PAX8: variants seen among roughly 807,000 people sequenced by gnomAD.
The protein encoded by PAX8 is paired box 8, also known as paired box protein Pax-8.
In PAX8, 15 loss-of-function variants were observed where a neutral mutation model predicts 52.4. The ratio of observed to expected loss-of-function variants is 0.29; its 90% CI spans 0.19 to 0.44. The LOEUF is 0.44. PAX8 is among the 20% of genes least tolerant of loss of function. The probability of loss-of-function intolerance (pLI) is 1.00; values close to 1 mark genes in which losing one functional copy is unlikely to be tolerated. For missense variants in PAX8, 554 were observed against 602.5 expected (o/e 0.92, Z 0.84); for synonymous variants, 284 against 249.7 (o/e 1.14, Z -1.29).
chr2:113,226,275 C>T (rs1400115134), intron 10 of PAX8: 1 of 985,332 alleles, frequency 1.0e-6, no homozygotes, highest in Non-Finnish European at 1.2e-6. Context: ...CTAGGGCTGG[C>T]ATGGGGGTCA....
chr2:113,278,465 C>G lies in PAX8; in HGVS notation c.-71G>C. ...CCGTAGGTCCGGGCCGCGCCTGCCG[C>G]TGCCCTGCACAAACCCAGGAGAAGG... On this transcript the variant is annotated 5_prime_UTR_variant, in exon 2 of 12. Coordinates refer to ENST00000429538, the MANE Select transcript of PAX8 (RefSeq NM_003466.4). The G allele has an allele frequency of 6.2e-7, 1 of 1,602,132 alleles. No individual in the cohort carries two copies.
chr2:113,246,711 A>G, intron 3 of PAX8, 43 bp downstream of exon 3: 1 of 1,600,488 alleles, frequency 6.2e-7, no homozygotes, highest in Non-Finnish European at 8.5e-7. Flanking sequence ...TGGAGAAGTC[A>G]AGCCCTGCGG....
At chr2:113,239,840 C>T (rs1690667496) in intron 7 of PAX8, 1 of 152,166 alleles carries the variant, frequency 6.6e-6, no homozygotes, top group African/African-American at 2.4e-5. Context: ...AGCTCCAAAA[C>T]CTTCTGATTG....
At chr2:113,258,610 C>A (rs1232987014) in intron 2 of PAX8, among the ~76,000 whole-genome samples, 1 of 152,238 alleles carries the variant, frequency 6.6e-6, no homozygotes, top group Non-Finnish European at 1.5e-5. Context: ...CCCTCAAAGG[C>A]ATTCGCAGCT....
At chr2:113,258,287 T>C (rs557895822) in intron 2 of PAX8, among the ~76,000 whole-genome samples, 140 of 152,366 alleles carry the variant, frequency 9.2e-4, no homozygotes, top group Non-Finnish European at 1.7e-3. Flanking sequence ...CCATTCTCTT[T>C]GTTTACATCC....
At chr2:113,277,737 G>A (rs1213450763) in intron 2 of PAX8, among the ~76,000 whole-genome samples, 1 of 152,202 alleles carries the variant, frequency 6.6e-6, no homozygotes, top group African/African-American at 2.4e-5. Flanking sequence ...CCCTGCTTCC[G>A]GGCGCAGGTG....
chr2:113,240,857 G>A lies in PAX8; in HGVS notation c.777+694C>T, dbSNP rs532092826. On this transcript the variant is annotated intron_variant, in intron 7 of 11. Coordinates refer to ENST00000429538, the MANE Select transcript of PAX8 (RefSeq NM_003466.4). ...GCTTCCCTGTCCTTAAGGAGTCCGC[G>A]TGTCTTTGTACCTGTCTGTCTGCTA... 1.6e-4 allele frequency: 25 copies of A among 159,232 alleles called. No individual in the cohort carries two copies. The South Asian group carries it at 4.0e-3, about 26-fold the overall frequency. The allele number at this position is 159,232 out of a possible 1,614,324, so 9.9% of individuals were successfully genotyped here.
At chr2:113,265,617 A>T (rs1480710052) in intron 2 of PAX8, 1 of 152,198 alleles carries the variant, frequency 6.6e-6, no homozygotes, top group Non-Finnish European at 1.5e-5. Flanking sequence ...CTACTTGCTC[A>T]GCATTTTGTG....
chr2:113,220,006 C>T (rs921034728), intron 11 of PAX8, 86 bp downstream of exon 11: 1 of 926,062 alleles, frequency 1.1e-6, no homozygotes, highest in African/African-American at 1.6e-5. Flanking sequence ...GGACTCCCAG[C>T]TTTCAGGTAA....
In PAX8 at chr2:113,218,375, C is replaced by G. The variant is rs1237454051; in HGVS notation, c.*158G>C. The G allele has an allele frequency of 6.1e-6, 3 of 487,846 alleles. No homozygotes were observed. The highest frequency in any genetic ancestry group is 1.1e-5 in the Non-Finnish European group (3 of 276,558). The allele number at this position is 487,846 out of a possible 1,614,324, so 30.2% of individuals were successfully genotyped here. On this transcript the variant is annotated 3_prime_UTR_variant, in exon 12 of 12. Coordinates refer to ENST00000429538, the MANE Select transcript of PAX8 (RefSeq NM_003466.4). ...CCTTGTCCAAGGTCATCCTGTCTTT[C>G]ATGGTTCATTAAATTAACCACACAG...
chr2:113,258,803 T>C (rs940614106), intron 2 of PAX8, among the ~76,000 whole-genome samples: 11 of 152,300 alleles, frequency 7.2e-5, no homozygotes, highest in African/African-American at 2.6e-4. Flanking sequence ...GGCTTCACTG[T>C]GTGGTTTCAA....
intron 8 of PAX8, chr2:113,235,817 T>G: frequency 1.9e-6 from 1 of 523,668 alleles, no homozygotes; most frequent in South Asian, 2.6e-5. Flanking sequence ...CCGGAAGGCG[T>G]GTGTGCGCCC....
chr2:113,253,862 TGGGGA>T (rs1691982777), intron 2 of PAX8, among the ~76,000 whole-genome samples: 1 of 152,198 alleles, frequency 6.6e-6, no homozygotes, highest in Non-Finnish European at 1.5e-5. Flanking sequence ...TTGGGGGGAC[TGGGGA>T]GGTATCATAG....
chr2:113,243,989 T>G (rs1691095754), intron 4 of PAX8, among the ~76,000 whole-genome samples: 1 of 152,074 alleles, frequency 6.6e-6, no homozygotes, highest in African/African-American at 2.4e-5. Flanking sequence ...AATGAATGAG[T>G]GAATTATGTG....
intron 2 of PAX8, chr2:113,266,862 A>G (rs1693100994): frequency 6.6e-6 from 1 of 152,224 alleles, no homozygotes; most frequent in African/African-American, 2.4e-5. Context: ...ATTGACAAGC[A>G]CCTCTGCCCA....
At chr2:113,263,357 C>T (rs938356180) in intron 2 of PAX8, 2 of 152,716 alleles carry the variant, frequency 1.3e-5, no homozygotes, top group Non-Finnish European at 2.9e-5. Context: ...GACCTCCAGG[C>T]TTCTCCTCCT....
At chr2:113,232,124 C>T (rs1207392833) in intron 9 of PAX8, among the ~76,000 whole-genome samples, 4 of 152,352 alleles carry the variant, frequency 2.6e-5, no homozygotes, top group East Asian at 1.9e-4. Context: ...CACCGCCCCC[C>T]GTCATGTCCT....
At position 113,218,585 on chromosome 2, in the gene PAX8, G is replaced by A; in HGVS notation, c.1301C>T (p.Thr434Ile). ...GGTGGGCGGTGCACTCGGCCTTGAT[G>A]TGGAACTGTAATAATATGGGGAACC... is the stretch of plus-strand genomic sequence containing the variant. ...LLSSPYYYSS[T>I]SRPSAPPTTA... Residue 434 changes from threonine (T) to isoleucine (I), a missense_variant, in exon 12 of 12, where the codon ACA (threonine) becomes ATA (isoleucine). Thr to Ile is a moderately conservative substitution (Grantham distance 89). Around this residue, in one of 2 missense-constraint regions of PAX8, gnomAD observed 445 missense variants for 409.9 expected, o/e 1.09. Transcript: ENST00000429538. 4 of 1,559,344 alleles carry A rather than the reference G, an allele frequency of 2.6e-6. No homozygotes were observed. The highest frequency in any genetic ancestry group is 3.5e-6 in the Non-Finnish European group (4 of 1,151,190).
At chr2:113,261,822 G>GTTT (rs777210195) in intron 2 of PAX8, among the ~76,000 whole-genome samples, 2 of 144,074 alleles carry the variant, frequency 1.4e-5, no homozygotes, top group Admixed American at 7.0e-5. Context: ...AAGATTTTAG[G>GTTT]TTTTTTTTTT....
Sources: gnomAD v4.1 joint callset for allele counts (sites outside exome capture counted in the v4.1 genomes callset) on GRCh38, gnomAD v4.1.1 for gene constraint, gnomAD v4.1.1 regional missense constraint, MANE v1.5 for transcripts, NCBI Gene and HGNC (gene_info 2026-07-23, HGNC 2026-07-21) for gene names.